The following HTR7 variants were observed in gnomAD, a reference collection of about 807,000 sequenced individuals.
The protein encoded by HTR7 is 5-hydroxytryptamine receptor 7, also known as 5-HT-7.
HTR7 carries 16 observed loss-of-function variants against 34.0 expected under a neutral mutation model. The ratio of observed to expected loss-of-function variants is 0.47; its 90% CI spans 0.32 to 0.71. The LOEUF is 0.71. Among genes scored for constraint, HTR7 ranks in the 30% least tolerant of loss-of-function variants. The pLI is 0.04. For synonymous variants in HTR7, 265 were observed against 260.2 expected, an observed-to-expected ratio of 1.02 and a Z score of -0.18; for missense variants, 504 against 625.5, an observed-to-expected ratio of 0.81 and a Z score of 2.07.
intron 1 of HTR7, among the ~76,000 whole-genome samples, chr10:90,800,362 C>A (rs1845605162): frequency 1.3e-5 from 2 of 152,194 alleles, no homozygotes; most frequent in South Asian, 4.2e-4. Flanking sequence ...CTGAATAGAA[C>A]CCCTCTTGGC....
intron 1 of HTR7, among the ~76,000 whole-genome samples, chr10:90,759,230 CTAAGAT>C (rs887487800): frequency 6.6e-6 from 1 of 150,902 alleles, no homozygotes; most frequent in African/African-American, 2.4e-5. Context: ...TGCCTGTTAT[CTAAGAT>C]TATAAAGCTA....
In HTR7 at chr10:90,857,487, G is replaced by A. The variant is rs1846604482; in HGVS notation, c.185C>T (p.Ala62Val). 6.2e-7 allele frequency: 1 copy of A among 1,613,310 alleles called. No homozygotes were observed. Residue 62 changes from alanine (A) to valine (V), a missense_variant, in exon 1 of 4, where the codon GCG becomes GTG. Around this residue, in one of 4 missense-constraint regions of HTR7, gnomAD observed 139 missense variants for 117.1 expected, o/e 1.19. Transcript: ENST00000336152. The surrounding 1 kb of genome is among the most constrained non-coding windows in gnomAD (Gnocchi z 6.5). The stretch of plus-strand genomic sequence containing the variant: ...ACAGCCGGAGGCATTGTCCGGGGGC[G>A]CGTCCCAGGTGGGCGCCGGGCTGGC... ...VTASPAPTWD[A>V]PPDNASGCGE...
intron 1 of HTR7, among the ~76,000 whole-genome samples, chr10:90,762,739 G>GT (rs1487375708): frequency 6.6e-6 from 1 of 152,060 alleles, no homozygotes; most frequent in Non-Finnish European, 1.5e-5. Flanking sequence ...TTTACCCGGT[G>GT]TTTTCTTCTT....
chr10:90,849,356 A>G (rs906430614), intron 1 of HTR7, among the ~76,000 whole-genome samples: 1 of 152,208 alleles, frequency 6.6e-6, no homozygotes, highest in Non-Finnish European at 1.5e-5. Context: ...ATTGTTGTCA[A>G]TCTAGAGGGT....
chr10:90,795,254 A>G (rs11596518), intron 1 of HTR7, among the ~76,000 whole-genome samples: 21,548 of 152,208 alleles, frequency 0.14, 1,874 homozygotes, highest in East Asian at 0.2. Flanking sequence ...TAATAACTGT[A>G]TCAATTTACA....
chr10:90,742,326 A>G lies in HTR7; in HGVS notation c.*156T>C. ...AAAAGGAGAAGTCACCATCTCCCTCATAAGATAGTGTGTACAACAGATCAC... is the reference window on the plus strand; with the variant it reads ...AAAAGGAGAAGTCACCATCTCCCTCGTAAGATAGTGTGTACAACAGATCAC... On this transcript the variant is annotated 3_prime_UTR_variant, in exon 4 of 4. Transcript: ENST00000336152. The G allele has an allele frequency of 1.8e-6, 1 of 557,214 alleles. No homozygotes were observed. The highest frequency in any genetic ancestry group is 3.2e-6 in the Non-Finnish European group (1 of 316,064). The allele number at this position is 557,214 out of a possible 1,614,324, so 34.5% of individuals were successfully genotyped here. A position where few individuals can be genotyped will look rare whatever the true frequency, so the allele number is the denominator to read the frequency against.
At position 90,800,891 on chromosome 10, in the gene HTR7, A is replaced by C. The variant is rs570154615; in HGVS notation, c.540-51297T>G. Among the ~76,000 whole-genome samples, 7 of 152,280 alleles carry C rather than the reference A, an allele frequency of 4.6e-5. No individual in the cohort carries two copies. The South Asian group carries it at 1.4e-3, about 32-fold the overall frequency. On this transcript the variant is annotated intron_variant, in intron 1 of 3. Coordinates refer to ENST00000336152, the MANE Select transcript of HTR7 (RefSeq NM_019859.4). The stretch of plus-strand genomic sequence containing the variant: ...CCATGATTTGAGACTTATGCCTCAC[A>C]CTCATGTTAGCAGTCATTTCATTAA...
intron 1 of HTR7, among the ~76,000 whole-genome samples, chr10:90,834,470 C>T (rs1428087575): frequency 1.3e-5 from 2 of 152,198 alleles, no homozygotes; most frequent in African/African-American, 4.8e-5. Context: ...GCGGCTTAAA[C>T]CACAGCCTTT....
chr10:90,799,965 C>T (rs769702922), intron 1 of HTR7, among the ~76,000 whole-genome samples: 4 of 152,100 alleles, frequency 2.6e-5, no homozygotes, highest in Non-Finnish European at 5.9e-5. Context: ...AGAACTGCTA[C>T]AATTCAATAA....
intron 1 of HTR7, among the ~76,000 whole-genome samples, chr10:90,820,173 G>A (rs1396319172): frequency 6.6e-6 from 1 of 152,164 alleles, no homozygotes; most frequent in Non-Finnish European, 1.5e-5. Context: ...TGAAAGGGAT[G>A]GCTCTAGGCT....
intron 1 of HTR7, among the ~76,000 whole-genome samples, chr10:90,773,500 T>C (rs1845152665): frequency 6.6e-6 from 1 of 152,200 alleles, no homozygotes; most frequent in Non-Finnish European, 1.5e-5. Context: ...TTTTTAAATG[T>C]ACAATTAAGT....
chr10:90,856,136 G>A (rs1282609869), intron 1 of HTR7, among the ~76,000 whole-genome samples: 2 of 152,180 alleles, frequency 1.3e-5, no homozygotes, highest in Non-Finnish European at 2.9e-5. Context: ...GATCCACTAA[G>A]AAAATAAGCA....
At chr10:90,831,612 C>T (rs915779366) in intron 1 of HTR7, among the ~76,000 whole-genome samples, 1 of 152,226 alleles carries the variant, frequency 6.6e-6, no homozygotes, top group African/African-American at 2.4e-5. Flanking sequence ...CTTTTATTCT[C>T]TTATCTGGCT....
intron 1 of HTR7, among the ~76,000 whole-genome samples, chr10:90,760,656 G>C (rs1448406692): frequency 6.6e-6 from 1 of 152,136 alleles, no homozygotes; most frequent in Admixed American, 6.5e-5. Flanking sequence ...AAGGCAAGTG[G>C]ATCAGCTGAG....
chr10:90,763,870 G>A (rs1032397149), intron 1 of HTR7, among the ~76,000 whole-genome samples: 4 of 152,086 alleles, frequency 2.6e-5, no homozygotes, highest in Non-Finnish European at 5.9e-5. Flanking sequence ...TATCATTGAC[G>A]AGCATTTGGG....
intron 2 of HTR7, among the ~76,000 whole-genome samples, chr10:90,744,808 C>A (rs578020718): frequency 3.1e-4 from 47 of 152,132 alleles, no homozygotes; most frequent in Non-Finnish European, 6.5e-4. Context: ...CATAGAAGAG[C>A]CTTTATAATT....
At chr10:90,821,130 A>G (rs1845973494) in intron 1 of HTR7, among the ~76,000 whole-genome samples, 1 of 103,886 alleles carries the variant, frequency 9.6e-6, no homozygotes, top group African/African-American at 5.9e-5. Flanking sequence ...ACACACACAC[A>G]CATGCACACA....
At position 90,748,889 on chromosome 10, in the gene HTR7, C is replaced by T; in HGVS notation, c.1245G>A (p.Met415Ile). 1 of 1,614,178 alleles carries T rather than the reference C, an allele frequency of 6.2e-7. No homozygotes were observed. Among genetic ancestry groups the T allele is most frequent in the Non-Finnish European group, 8.5e-7 (1 of 1,179,998 alleles). Residue 415 changes from methionine (M) to isoleucine (I), a missense_variant, in exon 2 of 4, where the codon ATG becomes ATA. This residue lies in a region of HTR7 where 154 missense variants were observed against 212.1 expected (regional missense o/e 0.73). Transcript: ENST00000336152. ...NINRKLSAAG[M>I]HEALKLAERP... ...TCTCAGCAAGCTTCAGGGCTTCATG[C>T]ATGCCTGCAGCTGAGAGCTTCCGGT...
At chr10:90,832,514 C>T (rs1177283956) in intron 1 of HTR7, among the ~76,000 whole-genome samples, 1 of 152,202 alleles carries the variant, frequency 6.6e-6, no homozygotes, top group African/African-American at 2.4e-5. Context: ...CTCCAGCTGG[C>T]CCTCAAGCTC....
Sources: gnomAD v4.1 joint callset for allele counts (sites outside exome capture counted in the v4.1 genomes callset) on GRCh38, gnomAD v4.1.1 for gene constraint, gnomAD v4.1.1 regional missense constraint, Gnocchi (gnomAD v3.1) non-coding constraint, MANE v1.5 for transcripts, NCBI Gene and HGNC (gene_info 2026-07-23, HGNC 2026-07-21) for gene names.